Variants in DLG2 observed in about 807,000 individuals in gnomAD.
DLG2 encodes the protein discs large MAGUK scaffold protein 2.
A neutral mutation model predicts 132.5 loss-of-function variants in DLG2; 45 were observed. The observed-to-expected ratio is 0.34, with a 90% CI of 0.27 to 0.44. The LOEUF (loss-of-function observed/expected upper bound fraction) is 0.44. Ranked by LOEUF, DLG2 falls within the 20% of genes least tolerant of loss-of-function variation. DLG2 has a pLI of 1.00. For synonymous variants in DLG2, 424 were observed against 419.6 expected (o/e 1.01, Z -0.13); for missense variants, 1,045 against 1,196.9 (o/e 0.87, Z 1.87).
At chr11:83,568,434 A>G (rs552459599) in intron 19 of DLG2, among the ~76,000 whole-genome samples, 1 of 152,238 alleles carries the variant, frequency 6.6e-6, no homozygotes, top group South Asian at 2.1e-4. Flanking sequence ...AGTGGGATGG[A>G]TATCAGGAGC....
At chr11:84,145,805 G>A (rs964937885) in intron 9 of DLG2, among the ~76,000 whole-genome samples, 2 of 152,182 alleles carry the variant, frequency 1.3e-5, no homozygotes, top group African/African-American at 4.8e-5. Flanking sequence ...GGAGTCAGCA[G>A]CTGAATTTCA....
chr11:85,251,151 G>A (rs1239859067), intron 4 of DLG2, among the ~76,000 whole-genome samples: 2 of 152,136 alleles, frequency 1.3e-5, no homozygotes, highest in Non-Finnish European at 1.5e-5. Flanking sequence ...CTTATGACAT[G>A]AACATGTGCT....
chr11:83,577,646 T>TTATAATATATAATATATAA (rs1184092378), intron 19 of DLG2, among the ~76,000 whole-genome samples: 9 of 122,616 alleles, frequency 7.3e-5, no homozygotes, highest in Admixed American at 2.8e-4. Context: ...TAGGATATAT[T>TTATAATATATAATATATAA]TATAATATAT....
At chr11:85,112,677 TTATGCTCAC>T (rs1322338364) in intron 5 of DLG2, among the ~76,000 whole-genome samples, 9 of 152,090 alleles carry the variant, frequency 5.9e-5, no homozygotes, top group African/African-American at 2.2e-4. Context: ...AGTAGGAGTA[TTATGCTCAC>T]TTTCTAGTGG....
chr11:83,541,305 T>G (rs572050040), intron 20 of DLG2, among the ~76,000 whole-genome samples: 7 of 152,294 alleles, frequency 4.6e-5, no homozygotes, highest in African/African-American at 1.4e-4. Context: ...GCCTTCGACT[T>G]GGCCTTTCTA....
chr11:83,719,082 A>C (rs924993906), intron 18 of DLG2, among the ~76,000 whole-genome samples: 1 of 152,230 alleles, frequency 6.6e-6, no homozygotes. Flanking sequence ...CAGTTTAAAA[A>C]TACCCTGCAC....
At chr11:84,576,131 C>T (rs2099499396) in intron 6 of DLG2, among the ~76,000 whole-genome samples, 1 of 152,202 alleles carries the variant, frequency 6.6e-6, no homozygotes, top group African/African-American at 2.4e-5. Context: ...TTCCTGCAAG[C>T]TTTCCAATCC....
In DLG2 at chr11:83,644,352, A is replaced by G. The variant is rs962264533; in HGVS notation, c.1826-11027T>C. ...TTCGATAAATATGTTCTACTCCTCTATAGCCCTCCCACTAAAATAATTTTC... is the reference window on the plus strand; with the variant it reads ...TTCGATAAATATGTTCTACTCCTCTGTAGCCCTCCCACTAAAATAATTTTC... On this transcript the variant is annotated intron_variant, in intron 18 of 27. Coordinates refer to ENST00000376104, the MANE Select transcript of DLG2 (RefSeq NM_001142699.3). 5.9e-5 allele frequency among the ~76,000 whole-genome samples: 9 copies of G among 152,144 alleles called. 1 individual carries two copies. Among genetic ancestry groups the G allele is most frequent in the Admixed American group, 2.6e-4 (4 of 15,262 alleles).
At chr11:84,602,701 G>A (rs1319569705) in intron 6 of DLG2, among the ~76,000 whole-genome samples, 3 of 151,842 alleles carry the variant, frequency 2.0e-5, no homozygotes, top group Non-Finnish European at 4.4e-5. Flanking sequence ...TCACCTTGGG[G>A]CTCTGGAATA....
intron 6 of DLG2, among the ~76,000 whole-genome samples, chr11:85,042,339 AGTT>A (rs2061946543): frequency 6.6e-6 from 1 of 151,992 alleles, no homozygotes; most frequent in African/African-American, 2.4e-5. Flanking sequence ...CTTCAAACTT[AGTT>A]GTTGTTTTAA....
At chr11:83,686,650 C>T (rs1215212359) in intron 18 of DLG2, among the ~76,000 whole-genome samples, 2 of 152,098 alleles carry the variant, frequency 1.3e-5, no homozygotes, top group Non-Finnish European at 2.9e-5. Context: ...GTCCTATATC[C>T]TTACACAAAT....
chr11:84,356,448 G>C (rs1391583506), intron 7 of DLG2, among the ~76,000 whole-genome samples: 1 of 152,070 alleles, frequency 6.6e-6, no homozygotes, highest in Non-Finnish European at 1.5e-5. Flanking sequence ...TAGTTGTTAA[G>C]AGCATGGCAT....
At chr11:83,817,227 A>G (rs1392371871) in intron 17 of DLG2, among the ~76,000 whole-genome samples, 1 of 152,152 alleles carries the variant, frequency 6.6e-6, no homozygotes, top group East Asian at 1.9e-4. Flanking sequence ...GCACATTAAG[A>G]GGGGTACCTA....
chr11:83,517,022 G>A (rs995378055), intron 21 of DLG2, among the ~76,000 whole-genome samples: 1 of 152,132 alleles, frequency 6.6e-6, no homozygotes, highest in Non-Finnish European at 1.5e-5. Context: ...TCTTCTCAAG[G>A]AGTATCTTTG....
chr11:84,589,003 G>A (rs1031553957), intron 6 of DLG2, among the ~76,000 whole-genome samples: 3 of 152,128 alleles, frequency 2.0e-5, no homozygotes, highest in Non-Finnish European at 2.9e-5. Flanking sequence ...CCACAGAAGG[G>A]ACAATAGTGA....
In DLG2 at chr11:83,724,189, G is replaced by C. The variant is rs541333050; in HGVS notation, c.1825+62501C>G. Among the ~76,000 whole-genome samples the C allele has an allele frequency of 2.8e-3, 424 of 152,136 alleles. 2 individuals carry two copies. The highest frequency in any genetic ancestry group is 9.9e-3 in the African/African-American group (412 of 41,498). ...CATTTTACTGATAAGAAAACTGAACGCGTAAAATAAAATGGTTTCCCAAGG... is the reference window on the plus strand; with the variant it reads ...CATTTTACTGATAAGAAAACTGAACCCGTAAAATAAAATGGTTTCCCAAGG... On this transcript the variant is annotated intron_variant, in intron 18 of 27. Transcript: ENST00000376104.
At chr11:85,505,533 G>A (rs528701199) in intron 3 of DLG2, among the ~76,000 whole-genome samples, 42 of 152,204 alleles carry the variant, frequency 2.8e-4, no homozygotes, top group African/African-American at 7.2e-4. Context: ...ATTGATTTGC[G>A]TATGTTGAAC....
chr11:84,769,420 C>T (rs2068913310), intron 6 of DLG2, among the ~76,000 whole-genome samples: 1 of 151,834 alleles, frequency 6.6e-6, no homozygotes, highest in Non-Finnish European at 1.5e-5. Flanking sequence ...TCAAATTAAC[C>T]CAGTCAGAAT....
At chr11:84,412,959 T>C (rs940374558) in intron 7 of DLG2, among the ~76,000 whole-genome samples, 8 of 152,248 alleles carry the variant, frequency 5.3e-5, no homozygotes, top group Non-Finnish European at 8.8e-5. Flanking sequence ...TTGGTAACAA[T>C]GACACCTATT....
Sources: allele counts gnomAD v4.1 joint callset (sites outside exome capture counted in the v4.1 genomes callset), GRCh38; gene constraint gnomAD v4.1.1; transcripts MANE v1.5; gene names NCBI Gene and HGNC (gene_info 2026-07-23, HGNC 2026-07-21).